ADAM19: variants seen among roughly 807,000 people sequenced by gnomAD.
The protein encoded by ADAM19 is ADAM metallopeptidase domain 19.
A neutral mutation model predicts 114.7 loss-of-function variants in ADAM19; 65 were observed. That is an observed-to-expected ratio of 0.57 (90% CI 0.46 to 0.70). ADAM19 has a LOEUF of 0.70. Among genes scored for constraint, ADAM19 ranks in the 30% least tolerant of loss-of-function variants. The pLI is 0.00. For synonymous variants in ADAM19, 466 were observed against 460.5 expected (o/e 1.01, Z -0.15); for missense variants, 1,063 against 1,204.7 (o/e 0.88, Z 1.74).
Position 157,530,893 on chromosome 5 carries a change from A to G in ADAM19, c.331-10T>C, listed in dbSNP as rs746260980. On this transcript the variant is annotated splice_polypyrimidine_tract_variant and intron_variant, in intron 4 of 22. Transcript: ENST00000257527. ...GGTAAAAGCAGTGATCCTAGCAAGGAGAAAGGAGGTGGTCAGGCTAAAGAA... is the reference window on the plus strand; with the variant it reads ...GGTAAAAGCAGTGATCCTAGCAAGGGGAAAGGAGGTGGTCAGGCTAAAGAA... 12 of 1,612,530 alleles carry G rather than the reference A, an allele frequency of 7.4e-6. No individual in the cohort carries two copies. Among genetic ancestry groups the G allele is most frequent in the Admixed American group, 1.7e-5 (1 of 60,016 alleles).
rs1052137596 is a variant in ADAM19, at chr5:157,519,863, T to C, written c.576A>G (p.Gln192=). The change falls in exon 6 of 23, where the codon CAA becomes CAG. Residue 192 remains glutamine, a synonymous_variant. Coordinates refer to ENST00000257527, the MANE Select transcript of ADAM19 (RefSeq NM_033274.5). ...CCCTGCGAGGTCGCTTCTTGGTCTG[T>C]TGTGTAAACTGAAGAGCCCAGTCCC... ...TTRDWALQFT[Q]QTKKRPRRMK... 3.7e-6 allele frequency: 6 copies of C among 1,613,738 alleles called. No individual in the cohort carries two copies. Among genetic ancestry groups the C allele is most frequent in the African/African-American group, 1.3e-5 (1 of 74,898 alleles).
chr5:157,556,808 G>A (rs576244100), intron 3 of ADAM19, among the ~76,000 whole-genome samples: 23 of 152,314 alleles, frequency 1.5e-4, no homozygotes, highest in African/African-American at 5.5e-4. Flanking sequence ...GTTGCCATGA[G>A]GATTCAATAA....
At chr5:157,518,625 C>A (rs1350396175) in intron 7 of ADAM19, among the ~76,000 whole-genome samples, 198 bp downstream of exon 7, 1 of 152,248 alleles carries the variant, frequency 6.6e-6, no homozygotes, top group Non-Finnish European at 1.5e-5. Flanking sequence ...CTCAGGTGAT[C>A]CACCCGCCTT....
intron 3 of ADAM19, among the ~76,000 whole-genome samples, chr5:157,560,466 C>T (rs978841796): frequency 1.3e-5 from 2 of 152,088 alleles, no homozygotes; most frequent in African/African-American, 4.8e-5. Context: ...CAAGTTTCTC[C>T]AACAGCAGCT....
intron 7 of ADAM19, among the ~76,000 whole-genome samples, chr5:157,517,948 AGGAG>A (rs1756140447): frequency 6.6e-6 from 1 of 152,158 alleles, no homozygotes; most frequent in African/African-American, 2.4e-5. Flanking sequence ...TCTGGGATTC[AGGAG>A]GTCGGGGGCA....
At chr5:157,557,537 A>G (rs913502699) in intron 3 of ADAM19, among the ~76,000 whole-genome samples, 5 of 152,346 alleles carry the variant, frequency 3.3e-5, no homozygotes, top group East Asian at 3.9e-4. Context: ...CATGTGTCCA[A>G]TATTTTAGAA....
chr5:157,561,996 A>G (rs1471654998), intron 3 of ADAM19, among the ~76,000 whole-genome samples: 1 of 152,096 alleles, frequency 6.6e-6, no homozygotes, highest in Non-Finnish European at 1.5e-5. Flanking sequence ...GGCTTGGCCC[A>G]GGGCCTAGTT....
intron 4 of ADAM19, among the ~76,000 whole-genome samples, chr5:157,534,181 T>G (rs1756700832): frequency 1.3e-5 from 2 of 151,968 alleles, no homozygotes; most frequent in South Asian, 2.1e-4. Flanking sequence ...TTATTAACAG[T>G]AAGAGGTCGG....
chr5:157,489,083 A>G lies in ADAM19; in HGVS notation c.2325+19T>C, dbSNP rs1157039393. 2 of 1,607,698 alleles carry G rather than the reference A, an allele frequency of 1.2e-6. No homozygotes were observed. The highest frequency in any genetic ancestry group is 1.1e-5 in the South Asian group (1 of 90,888). ...GGATAAAGGAAAAGTAGCAAAGTTC[A>G]GTGGTGCAAAGCTCTTACCTTTCGC... On this transcript the variant is annotated intron_variant, in intron 20 of 22. Coordinates refer to ENST00000257527, the MANE Select transcript of ADAM19 (RefSeq NM_033274.5).
intron 3 of ADAM19, among the ~76,000 whole-genome samples, chr5:157,560,264 C>CAAAAAAAAAAAAAA (rs35731498): frequency 5.8e-5 from 3 of 51,710 alleles, no homozygotes; most frequent in African/African-American, 1.9e-4. Flanking sequence ...GACTCCGTCT[C>CAAAAAAAAAAAAAA]AAAAAAAAAA....
intron 2 of ADAM19, chr5:157,568,933 C>A (rs1008457706): frequency 3.3e-5 from 5 of 152,150 alleles, no homozygotes; most frequent in African/African-American, 1.2e-4. Flanking sequence ...TGGTTGGGAA[C>A]AAAGACAGGA....
At chr5:157,540,057 A>G (rs531086024) in intron 3 of ADAM19, among the ~76,000 whole-genome samples, 2 of 152,370 alleles carry the variant, frequency 1.3e-5, no homozygotes, top group African/African-American at 4.8e-5. Context: ...CACAAAAAAG[A>G]GGATGATATA....
At chr5:157,509,571 A>G (rs1452187922) in intron 8 of ADAM19, 104 bp from the exon 9 acceptor site, 1 of 905,194 alleles carries the variant, frequency 1.1e-6, no homozygotes, top group Non-Finnish European at 1.5e-6. Context: ...GAAAAAAACT[A>G]AAACTAAAAA....
intron 5 of ADAM19, 35 bp downstream of exon 5, chr5:157,530,772 T>G (rs370804956): frequency 6.3e-6 from 10 of 1,575,432 alleles, no homozygotes; most frequent in Non-Finnish European, 8.7e-6. Context: ...CTGGGGAGAG[T>G]GCCCGGTGCC....
intron 16 of ADAM19, 112 bp downstream of exon 16, chr5:157,492,861 G>C (rs1384849977): frequency 8.8e-7 from 1 of 1,135,842 alleles, no homozygotes; most frequent in Non-Finnish European, 1.3e-6. Flanking sequence ...AGCCACCAAG[G>C]CTCAGAGGTT....
intron 7 of ADAM19, 142 bp downstream of exon 7, chr5:157,518,681 G>A: frequency 1.2e-6 from 1 of 813,246 alleles, no homozygotes. Flanking sequence ...GCCGCGCCCA[G>A]CCTTTGGTGA....
chr5:157,575,498 G>A, intron 1 of ADAM19, 105 bp downstream of exon 1: 1 of 821,814 alleles, frequency 1.2e-6, no homozygotes, highest in Non-Finnish European at 1.7e-6. Context: ...GCCCCGCGGA[G>A]TTGCGGGAGG....
chr5:157,493,498 C>A (rs1407314836), intron 15 of ADAM19, among the ~76,000 whole-genome samples: 1 of 152,190 alleles, frequency 6.6e-6, no homozygotes, highest in Non-Finnish European at 1.5e-5. Flanking sequence ...CCCAGGAGTT[C>A]CAGCTAGAAA....
chr5:157,481,186 G>C, intron 22 of ADAM19, 184 bp from the exon 23 acceptor site: 1 of 747,096 alleles, frequency 1.3e-6, no homozygotes, highest in Non-Finnish European at 2.2e-6. Flanking sequence ...AAGGGGTGTG[G>C]TAGGTGCCCC....
Sources: gnomAD v4.1 joint callset for allele counts (sites outside exome capture counted in the v4.1 genomes callset) on GRCh38, gnomAD v4.1.1 for gene constraint, MANE v1.5 for transcripts, NCBI Gene and HGNC (gene_info 2026-07-23, HGNC 2026-07-21) for gene names.